Variants in CLDN12 observed in about 807,000 individuals in gnomAD.
The protein encoded by CLDN12 is claudin 12.
Under a neutral mutation model 15.5 loss-of-function variants are expected in CLDN12, and 9 were observed. The observed-to-expected ratio is 0.58, with a 90% CI of 0.35 to 1.02. The LOEUF (loss-of-function observed/expected upper bound fraction) is 1.02, where lower values mean the gene tolerates loss of function less well. CLDN12 is among the 50% of genes least tolerant of loss of function. The pLI is 0.02. For missense variants in CLDN12, 233 were observed against 297.3 expected, an observed-to-expected ratio of 0.78 and a Z score of 1.59; for synonymous variants, 140 against 121.6, an observed-to-expected ratio of 1.15 and a Z score of -1.00.
chr7:90,409,138 A>AG (rs1225261598), intron 2 of CLDN12: 1 of 152,178 alleles, frequency 6.6e-6, no homozygotes, highest in African/African-American at 2.4e-5. Flanking sequence ...TCAGTGTTAC[A>AG]GGGCAGTTTG....
intron 1 of CLDN12, among the ~76,000 whole-genome samples, chr7:90,404,289 T>TG (rs1305708294): frequency 7.1e-6 from 1 of 141,654 alleles, no homozygotes; most frequent in Admixed American, 7.0e-5. Context: ...GGGGAGGGGT[T>TG]GGGGGGGACT....
chr7:90,406,558 A>T (rs567913392), intron 2 of CLDN12, among the ~76,000 whole-genome samples: 4 of 152,364 alleles, frequency 2.6e-5, no homozygotes, highest in African/African-American at 9.6e-5. Flanking sequence ...GCCTGCTAAT[A>T]ATCATTACTG....
intron 2 of CLDN12, among the ~76,000 whole-genome samples, chr7:90,407,506 C>G (rs1440249790): frequency 1.3e-5 from 2 of 152,144 alleles, no homozygotes; most frequent in African/African-American, 4.8e-5. Flanking sequence ...CAGAGTTATA[C>G]AGAACCTCCA....
rs1796991447 is a variant in CLDN12, at chr7:90,412,690, A to T, written c.14A>T (p.Asp5Val). Residue 5 changes from aspartate (D) to valine (V), a missense_variant, in exon 4 of 4, where the codon GAT becomes GTT. Physicochemically the swap from Asp to Val is radical, Grantham distance 152. Transcript: ENST00000496677. MGCR[D>V]VHAATVLSFL... ...AGCTTGCCTGCCATGGGCTGTCGGG[A>T]TGTCCACGCAGCCACAGTCCTTTCC... 1 of 1,612,970 alleles carries T rather than the reference A, an allele frequency of 6.2e-7. No individual in the cohort carries two copies. Among genetic ancestry groups the T allele is most frequent in the Non-Finnish European group, 8.5e-7 (1 of 1,179,458 alleles).
chr7:90,405,647 C>T (rs1796820568), intron 2 of CLDN12, 39 bp downstream of exon 2: 1 of 152,198 alleles, frequency 6.6e-6, no homozygotes, highest in Non-Finnish European at 1.5e-5. Context: ...TTCCCTCCCT[C>T]CTGCTACCAC....
chr7:90,412,738 T>G lies in CLDN12; in HGVS notation c.62T>G (p.Val21Gly). 1 of 1,614,216 alleles carries G rather than the reference T, an allele frequency of 6.2e-7. No homozygotes were observed. Among genetic ancestry groups the G allele is most frequent in the Non-Finnish European group, 8.5e-7 (1 of 1,180,036 alleles). ...VLSFLCGIAS[V>G]AGLFAGTLLP... is the part of the protein sequence containing the mutation. ...TCCTTCCTGTGTGGAATCGCCTCAG[T>G]AGCAGGCCTCTTTGCAGGGACTCTG... The change falls in exon 4 of 4, where the codon GTA becomes GGA. Residue 21 changes from valine (V) to glycine (G), a missense_variant. Transcript: ENST00000496677.
chr7:90,411,272 T>C (rs574709172), intron 2 of CLDN12, among the ~76,000 whole-genome samples: 1 of 152,346 alleles, frequency 6.6e-6, no homozygotes, highest in Non-Finnish European at 1.5e-5. Context: ...TGCCCCTTCA[T>C]CATGCTCTGA....
Position 90,413,795 on chromosome 7 carries a change from T to C in CLDN12, c.*384T>C. The stretch of plus-strand genomic sequence containing the variant: ...TATTTTTCTTTTTCTATAATACCTT[T>C]AACTGCAAAGAAAAGGCAGTTTCAA... On this transcript the variant is annotated 3_prime_UTR_variant, in exon 4 of 4. Transcript: ENST00000496677. The C allele has an allele frequency of 2.0e-6, 2 of 1,008,490 alleles. No homozygotes were observed. Among genetic ancestry groups the C allele is most frequent in the African/African-American group, 1.7e-5 (1 of 57,598 alleles). 62.5% of individuals were successfully genotyped at this position (1,008,490 alleles called of 1,614,324 possible). A position where few individuals can be genotyped will look rare whatever the true frequency, so the allele number is the denominator to read the frequency against.
In CLDN12 at chr7:90,414,161, T is replaced by C. The variant is rs1275284469; in HGVS notation, c.*750T>C. 3.0e-6 allele frequency: 3 copies of C among 1,000,086 alleles called. No individual in the cohort carries two copies. Among genetic ancestry groups the C allele is most frequent in the South Asian group, 4.7e-5 (1 of 21,288 alleles). The allele number at this position is 1,000,086 out of a possible 1,614,324, so 62.0% of individuals were successfully genotyped here. The stretch of plus-strand genomic sequence containing the variant: ...GGCAGAAAACTCTTTTTTGGAGATA[T>C]CTTCCATCAAGCAGTACTCGTGCCC... On this transcript the variant is annotated 3_prime_UTR_variant, in exon 4 of 4. Transcript: ENST00000496677.
At chr7:90,409,839 A>T (rs988260803) in intron 2 of CLDN12, among the ~76,000 whole-genome samples, 9 of 152,184 alleles carry the variant, frequency 5.9e-5, no homozygotes, top group Non-Finnish European at 1.2e-4. Context: ...CTATAAACAC[A>T]TTGGGAGCAA....
Position 90,413,054 on chromosome 7 carries a change from G to A in CLDN12, c.378G>A (p.Leu126=). The A allele has an allele frequency of 1.2e-6, 2 of 1,614,152 alleles. No individual in the cohort carries two copies. Among genetic ancestry groups the A allele is most frequent in the Non-Finnish European group, 1.7e-6 (2 of 1,180,012 alleles). The change falls in exon 4 of 4, where the codon CTG becomes CTA. Residue 126 remains leucine, a synonymous_variant. Coordinates refer to ENST00000496677, the MANE Select transcript of CLDN12 (RefSeq NM_001185072.3). ...CCAACATCAAACTGGCCAAGTGTCTGGTCAATAGTGCAGGTTGCCACCTGG... is the reference window on the plus strand; with the variant it reads ...CCAACATCAAACTGGCCAAGTGTCTAGTCAATAGTGCAGGTTGCCACCTGG... ...SVPNIKLAKC[L]VNSAGCHLVA...
rs752284824 is a variant in CLDN12, at chr7:90,413,167, A to T, written c.491A>T (p.Lys164Met). The T allele has an allele frequency of 8.1e-6, 13 of 1,614,074 alleles. 1 individual carries two copies. In the South Asian group the frequency reaches 1.4e-4, roughly 18 times the overall value. Residue 164 changes from lysine (K) to methionine (M), a missense_variant, in exon 4 of 4, where the codon AAG becomes ATG. Physicochemically the swap from Lys to Met is moderately conservative, Grantham distance 95. Coordinates refer to ENST00000496677, the MANE Select transcript of CLDN12 (RefSeq NM_001185072.3). ...VIFYNIHLNKKFEPVFSFDYA... is the reference protein window; with the variant it reads ...VIFYNIHLNKMFEPVFSFDYA... ...TTTTATAACATCCATCTGAACAAGA[A>T]GTTTGAGCCAGTCTTTTCATTTGAC...
At chr7:90,412,579 C>A in intron 3 of CLDN12, 65 bp from the exon 4 acceptor site, 1 of 1,354,782 alleles carries the variant, frequency 7.4e-7, no homozygotes, top group South Asian at 1.4e-5. Flanking sequence ...CAGTTGGCAC[C>A]ACCCTTCCTG....
At chr7:90,407,138 T>C (rs912937384) in intron 2 of CLDN12, among the ~76,000 whole-genome samples, 2 of 152,218 alleles carry the variant, frequency 1.3e-5, no homozygotes, top group East Asian at 3.9e-4. Flanking sequence ...GACCTCGTGA[T>C]CCACCCACCT....
At chr7:90,408,827 T>C (rs1258487842) in intron 2 of CLDN12, 1 of 152,220 alleles carries the variant, frequency 6.6e-6, no homozygotes, top group Non-Finnish European at 1.5e-5. Flanking sequence ...TTAAAAGCAC[T>C]TACTACTGAA....
Position 90,415,890 on chromosome 7 carries a change from A to C in CLDN12, c.*2479A>C, listed in dbSNP as rs1294523360. On this transcript the variant is annotated 3_prime_UTR_variant, in exon 4 of 4. Coordinates refer to ENST00000496677, the MANE Select transcript of CLDN12 (RefSeq NM_001185072.3). ...GGATAGTATATTTGCTGTAAACTAC[A>C]ATGTAAAACCTCAATAAAAGTGCGC... The C allele has an allele frequency of 6.0e-6, 1 of 166,864 alleles. No individual in the cohort carries two copies. Among genetic ancestry groups the C allele is most frequent in the Non-Finnish European group, 1.5e-5 (1 of 68,126 alleles). 10.3% of individuals were successfully genotyped at this position (166,864 alleles called of 1,614,324 possible). A position where few individuals can be genotyped will look rare whatever the true frequency, so the allele number is the denominator to read the frequency against.
chr7:90,404,203 A>G (rs1056606728), intron 1 of CLDN12, among the ~76,000 whole-genome samples: 76 of 151,722 alleles, frequency 5.0e-4, no homozygotes, highest in African/African-American at 1.8e-3. Flanking sequence ...GTGCGTTATT[A>G]ATTGTAAAAC....
chr7:90,413,941 C>CT lies in CLDN12; in HGVS notation c.*533dup. ...ATAGGTGTCAGTATGTTGAAGATTA[C>CT]TTTCTTTTGTGACTTTCTTCTACCT... On this transcript the variant is annotated 3_prime_UTR_variant, in exon 4 of 4. Transcript: ENST00000496677. 1.0e-6 allele frequency: 1 copy of CT among 995,644 alleles called. No individual in the cohort carries two copies. 61.7% of individuals were successfully genotyped at this position (995,644 alleles called of 1,614,324 possible).
chr7:90,404,338 C>T, intron 1 of CLDN12, among the ~76,000 whole-genome samples: 1 of 152,072 alleles, frequency 6.6e-6, no homozygotes, highest in East Asian at 1.9e-4. Context: ...AGAGAGCATT[C>T]TACATAATGA....
Sources: allele counts gnomAD v4.1 joint callset (sites outside exome capture counted in the v4.1 genomes callset), GRCh38; gene constraint gnomAD v4.1.1; transcripts MANE v1.5; gene names NCBI Gene and HGNC (gene_info 2026-07-23, HGNC 2026-07-21).